The following ABCB9 variants were observed in gnomAD, a reference collection of about 807,000 sequenced individuals.
ABCB9 encodes the protein ATP binding cassette subfamily B member 9, also known as ABC-type oligopeptide transporter ABCB9.
In ABCB9, 36 loss-of-function variants were observed where a neutral mutation model predicts 62.0. That is an observed-to-expected ratio of 0.58 (90% CI 0.45 to 0.77). The LOEUF (loss-of-function observed/expected upper bound fraction) is 0.77, where lower values mean the gene tolerates loss of function less well. Among genes scored for constraint, ABCB9 ranks in the 30% least tolerant of loss-of-function variants. The probability of loss-of-function intolerance (pLI) is 0.00; values close to 1 mark genes in which losing one functional copy is unlikely to be tolerated. For missense variants in ABCB9, 943 were observed against 1,054.7 expected (o/e 0.89, Z 1.47); for synonymous variants, 435 against 461.4 (o/e 0.94, Z 0.73).
chr12:122,959,960 G>T lies in ABCB9; in HGVS notation c.276C>A (p.Phe92Leu), dbSNP rs58843120. ...SWLVITLVCL[F>L]VGIYAMVKLL... ...GCTTCACCATGGCATAGATGCCCACGAAGAGGCACACGAGGGTGATGACCA... is the reference window on the plus strand; with the variant it reads ...GCTTCACCATGGCATAGATGCCCACTAAGAGGCACACGAGGGTGATGACCA... The change falls in exon 2 of 12, where the codon TTC becomes TTA. Residue 92 changes from phenylalanine to leucine, a missense_variant. Coordinates refer to ENST00000280560, the MANE Select transcript of ABCB9 (RefSeq NM_019625.4). The surrounding 1 kb of genome is among the most constrained non-coding windows in gnomAD (Gnocchi z 5.4). 20,492 of 1,613,274 alleles carry T rather than the reference G, an allele frequency of 0.013. 155 individuals are homozygous for T. The highest frequency in any genetic ancestry group is 0.015 in the Non-Finnish European group (17,546 of 1,179,992).
chr12:122,950,047 C>A (rs1021035284), intron 3 of ABCB9, 129 bp from the exon 4 acceptor site: 10 of 1,286,714 alleles, frequency 7.8e-6, no homozygotes, highest in Non-Finnish European at 1.1e-5. Context: ...GGCATCCCTG[C>A]GGGGTCCCCC....
chr12:122,974,104 G>A (rs2037339256), intron 1 of ABCB9, among the ~76,000 whole-genome samples: 1 of 152,192 alleles, frequency 6.6e-6, no homozygotes, highest in Non-Finnish European at 1.5e-5. Flanking sequence ...TGCTGCAAAC[G>A]GAGAGGGGGT....
downstream of ABCB9, chr12:122,924,499 G>A: frequency 1.6e-5 from 13 of 822,738 alleles, no homozygotes; most frequent in Non-Finnish European, 2.1e-5. Context: ...CGAGTAGCTG[G>A]AATTACAGAC....
downstream of ABCB9, among the ~76,000 whole-genome samples, chr12:122,924,247 C>G (rs2034828679): frequency 6.6e-6 from 1 of 152,194 alleles, no homozygotes. Flanking sequence ...CATTTATAAC[C>G]CTGCAGTCAT....
At chr12:122,920,937 A>G (rs946176342), downstream of ABCB9, 22 of 1,356,300 alleles carry the variant, frequency 1.6e-5, no homozygotes, top group African/African-American at 2.7e-4. Context: ...CATAAAGCGC[A>G]TAGACTCGTG....
At chr12:122,972,071 GT>G (rs2037277459) in intron 1 of ABCB9, among the ~76,000 whole-genome samples, 1 of 117,728 alleles carries the variant, frequency 8.5e-6, no homozygotes, top group Non-Finnish European at 1.6e-5. Flanking sequence ...TTGAGACAGA[GT>G]CTCACTCTGT....
chr12:122,929,937 C>T lies in ABCB9; in HGVS notation c.2275G>A (p.Val759Ile). 1 of 1,565,572 alleles carries T rather than the reference C, an allele frequency of 6.4e-7. No homozygotes were observed. The change falls in exon 12 of 12, where the codon GTA becomes ATA. Residue 759 changes from valine to isoleucine, a missense_variant. Coordinates refer to ENST00000280560, the MANE Select transcript of ABCB9 (RefSeq NM_019625.4). The surrounding 1 kb of genome is among the most constrained non-coding windows in gnomAD (Gnocchi z 6.0). ...CAGGCCTTGTGACTGCCGTTGGCTA[C>T]AGGCTCGTTGTGGCCAGCTGTGAAG... ...ADFTAGHNEP[V>I]ANGSHKA
At chr12:122,948,850 C>T (rs2036197699) in intron 4 of ABCB9, 21 bp from the exon 5 acceptor site, 2 of 1,494,544 alleles carry the variant, frequency 1.3e-6, no homozygotes, top group African/African-American at 2.8e-5. Flanking sequence ...CGCGGCTCAG[C>T]TCTCACCACA....
At chr12:122,924,637 A>G (rs766922756), downstream of ABCB9, 54 of 1,462,674 alleles carry the variant, frequency 3.7e-5, no homozygotes, top group Middle Eastern at 2.1e-4. Flanking sequence ...TGTGGGAAAG[A>G]AACAATGACA....
exon 1 of ABCB9, chr12:122,974,834 G>A (rs2037358786): frequency 6.2e-6 from 1 of 160,766 alleles, no homozygotes; most frequent in Non-Finnish European, 1.4e-5. Context: ...TGAAGCACCA[G>A]CGGGAACTAG....
intron 9 of ABCB9, among the ~76,000 whole-genome samples, chr12:122,937,997 A>G (rs1377406192): frequency 2.0e-5 from 3 of 152,214 alleles, no homozygotes; most frequent in Non-Finnish European, 4.4e-5. Context: ...GGAACAGCTG[A>G]AACTCTCCTT....
intron 1 of ABCB9, among the ~76,000 whole-genome samples, chr12:122,961,208 G>A (rs1170985040): frequency 6.6e-6 from 1 of 152,006 alleles, no homozygotes; most frequent in East Asian, 1.9e-4. Flanking sequence ...ATTTATTTGA[G>A]ACAGAGTCTT....
intron 1 of ABCB9, among the ~76,000 whole-genome samples, chr12:122,960,647 G>C (rs1159192675): frequency 1.3e-5 from 2 of 151,978 alleles, no homozygotes; most frequent in Non-Finnish European, 2.9e-5. Context: ...GGAGGCCGAG[G>C]TAGGTGGATC....
chr12:122,960,998 AG>A (rs1158647722), intron 1 of ABCB9, among the ~76,000 whole-genome samples: 7 of 151,904 alleles, frequency 4.6e-5, no homozygotes, highest in Non-Finnish European at 1.0e-4. Context: ...TGGGAGTTCG[AG>A]GCCACAGTGA....
At chr12:122,960,760 CAAA>C (rs36119389) in intron 1 of ABCB9, among the ~76,000 whole-genome samples, 8 of 92,482 alleles carry the variant, frequency 8.7e-5, no homozygotes, top group African/African-American at 8.2e-5. Context: ...GACTCCATCT[CAAA>C]AAAAAAAAAA....
chr12:122,934,788 T>C (rs767910157), intron 10 of ABCB9, among the ~76,000 whole-genome samples: 3 of 151,956 alleles, frequency 2.0e-5, no homozygotes, highest in Non-Finnish European at 2.9e-5. Flanking sequence ...TTTATGCAAA[T>C]ATGAACATGT....
chr12:122,953,252 A>G (rs1382967250), intron 2 of ABCB9, among the ~76,000 whole-genome samples: 8 of 147,220 alleles, frequency 5.4e-5, no homozygotes, highest in African/African-American at 2.0e-4. Flanking sequence ...TCAGTCTGTT[A>G]CCCAGGCTGG....
downstream of ABCB9, among the ~76,000 whole-genome samples, chr12:122,920,461 G>A (rs1183090876): frequency 6.6e-6 from 1 of 152,088 alleles, no homozygotes; most frequent in East Asian, 1.9e-4. Flanking sequence ...TCAGGGCTCT[G>A]GTCAGGGTTC....
intron 2 of ABCB9, chr12:122,951,928 G>A (rs1566183804): frequency 6.6e-6 from 1 of 152,190 alleles, no homozygotes; most frequent in Non-Finnish European, 1.5e-5. Flanking sequence ...TTTACATATT[G>A]AAACATAATC....
Sources: allele counts gnomAD v4.1 joint callset (sites outside exome capture counted in the v4.1 genomes callset), GRCh38; gene constraint gnomAD v4.1.1; non-coding constraint Gnocchi (gnomAD v3.1); transcripts MANE v1.5; gene names NCBI Gene and HGNC (gene_info 2026-07-23, HGNC 2026-07-21).